Variants in TRIM2 observed in about 807,000 individuals in gnomAD.
TRIM2 encodes the protein tripartite motif containing 2.
Under a neutral mutation model 75.2 loss-of-function variants are expected in TRIM2, and 20 were observed. That is an observed-to-expected ratio of 0.27 (90% CI 0.19 to 0.39). TRIM2 has a LOEUF of 0.39. Among genes scored for constraint, TRIM2 ranks in the 10% least tolerant of loss-of-function variants. The pLI is 1.00. For missense variants in TRIM2, 660 were observed against 990.8 expected (o/e 0.67, Z 4.48); for synonymous variants, 373 against 388.3 (o/e 0.96, Z 0.46).
intron 1 of TRIM2, among the ~76,000 whole-genome samples, chr4:153,234,039 A>G (rs1744357006): frequency 2.0e-5 from 3 of 152,240 alleles, no homozygotes; most frequent in African/African-American, 7.2e-5. Flanking sequence ...AGTTAAGTGC[A>G]TCTGCATCTT....
intron 6 of TRIM2, among the ~76,000 whole-genome samples, chr4:153,299,343 G>T (rs959321820): frequency 6.6e-6 from 1 of 151,818 alleles, no homozygotes; most frequent in South Asian, 2.1e-4. Context: ...GTATTCCATT[G>T]TGTGTGTATG....
At chr4:153,156,906 G>T (rs1462389943) in intron 1 of TRIM2, 1 of 152,304 alleles carries the variant, frequency 6.6e-6, no homozygotes, top group Non-Finnish European at 1.5e-5. Context: ...TTGGATGGTG[G>T]GGCCAGGTGG....
intron 11 of TRIM2, among the ~76,000 whole-genome samples, chr4:153,329,962 G>C (rs1193617729): frequency 6.6e-6 from 1 of 151,936 alleles, no homozygotes; most frequent in Non-Finnish European, 1.5e-5. Flanking sequence ...GACTGACAAA[G>C]GAAATAAGAG....
chr4:153,230,395 TG>T (rs1216261415), intron 1 of TRIM2, among the ~76,000 whole-genome samples: 5 of 152,150 alleles, frequency 3.3e-5, no homozygotes, highest in Non-Finnish European at 7.4e-5. Context: ...CTGTCCAGGC[TG>T]GTCTCCAACT....
At chr4:153,253,976 T>C (rs967608548) in intron 1 of TRIM2, among the ~76,000 whole-genome samples, 2 of 152,180 alleles carry the variant, frequency 1.3e-5, no homozygotes, top group African/African-American at 4.8e-5. Flanking sequence ...TACTTTGCAC[T>C]GTGGACTCGC....
intron 11 of TRIM2, 56 bp from the exon 12 acceptor site, chr4:153,334,758 T>A (rs529863850): frequency 1.4e-6 from 2 of 1,463,754 alleles, no homozygotes; most frequent in South Asian, 2.6e-5. Flanking sequence ...CTAACCCATG[T>A]TCAGCATATT....
intron 1 of TRIM2, among the ~76,000 whole-genome samples, chr4:153,215,878 T>A (rs915494319): frequency 6.6e-6 from 1 of 152,234 alleles, no homozygotes; most frequent in Non-Finnish European, 1.5e-5. Flanking sequence ...ATTTGTTTTT[T>A]CATCTGTAAT....
chr4:153,196,265 C>A (rs1046947263), intron 1 of TRIM2, among the ~76,000 whole-genome samples: 2 of 62,758 alleles, frequency 3.2e-5, no homozygotes, highest in Non-Finnish European at 4.5e-5. Flanking sequence ...TTCCTACCAC[C>A]CCCCCCCACA....
intron 1 of TRIM2, among the ~76,000 whole-genome samples, chr4:153,219,759 T>C (rs529654217): frequency 6.6e-6 from 1 of 152,190 alleles, no homozygotes; most frequent in East Asian, 1.9e-4. Context: ...TCCCAGCTAC[T>C]CGGCAGGCTG....
chr4:153,162,274 A>G (rs930686885), intron 1 of TRIM2, among the ~76,000 whole-genome samples: 7 of 152,224 alleles, frequency 4.6e-5, no homozygotes, highest in South Asian at 2.1e-4. Context: ...GGATATTGAT[A>G]TATACAGAGA....
At chr4:153,282,728 T>A (rs561249534) in intron 3 of TRIM2, among the ~76,000 whole-genome samples, 20 of 152,222 alleles carry the variant, frequency 1.3e-4, no homozygotes, top group Non-Finnish European at 2.8e-4. Context: ...ATTACAGGTG[T>A]TAAGGCACCG....
Position 153,295,301 on chromosome 4 carries a change from GT to G in TRIM2, c.787-8del. On this transcript the variant is annotated splice_polypyrimidine_tract_variant and intron_variant, in intron 5 of 11. Transcript: ENST00000338700. The surrounding 1 kb of genome is among the most constrained non-coding windows in gnomAD (Gnocchi z 7.2). ...GTGGGACGAGCTCACCAGGCCTCCG[GT>G]TTTCCCGCAGGTCCTCCAGTCGCAG... is the stretch of plus-strand genomic sequence containing the variant. 6.4e-7 allele frequency: 1 copy of G among 1,571,992 alleles called. No homozygotes were observed. Among genetic ancestry groups the G allele is most frequent in the Non-Finnish European group, 8.6e-7 (1 of 1,159,338 alleles).
chr4:153,192,827 A>G (rs1225780363), intron 1 of TRIM2, among the ~76,000 whole-genome samples: 1 of 152,108 alleles, frequency 6.6e-6, no homozygotes, highest in African/African-American at 2.4e-5. Context: ...GGGCCCATCC[A>G]GATCTTCTCA....
At position 153,295,620 on chromosome 4, in the gene TRIM2, C is replaced by G. The variant is rs146686472; in HGVS notation, c.1094C>G (p.Thr365Ser). The G allele has an allele frequency of 1.9e-4, 307 of 1,613,892 alleles. No individual in the cohort carries two copies. The highest frequency in any genetic ancestry group is 5.2e-4 in the Admixed American group (31 of 59,992). ...GCCACGGGCGAGGGGCTGCGGCAGA[C>G]CATCATCGGGCAGCCCATGTCCGTC... The part of the protein sequence containing the change: ...TVATGEGLRQ[T>S]IIGQPMSVTI... Residue 365 changes from threonine to serine, a missense_variant, in exon 6 of 12, where the codon ACC (threonine) becomes AGC (serine). Thr to Ser is a moderately conservative substitution (Grantham distance 58). Coordinates refer to ENST00000338700, the MANE Select transcript of TRIM2 (RefSeq NM_015271.5). The surrounding 1 kb of genome is among the most constrained non-coding windows in gnomAD (Gnocchi z 7.2).
At chr4:153,290,627 A>G (rs1181061147) in intron 3 of TRIM2, among the ~76,000 whole-genome samples, 6 of 152,112 alleles carry the variant, frequency 3.9e-5, no homozygotes, top group Admixed American at 3.9e-4. Context: ...GAGAAGTGTG[A>G]ATACTTTTTT....
At chr4:153,190,612 TCAAA>T (rs1733085071) in intron 1 of TRIM2, among the ~76,000 whole-genome samples, 1 of 152,040 alleles carries the variant, frequency 6.6e-6, no homozygotes, top group Non-Finnish European at 1.5e-5. Context: ...GAAACAAAAC[TCAAA>T]CTAACTCAGA....
At chr4:153,230,873 G>A (rs1372733527) in intron 1 of TRIM2, among the ~76,000 whole-genome samples, 1 of 152,214 alleles carries the variant, frequency 6.6e-6, no homozygotes, top group Non-Finnish European at 1.5e-5. Flanking sequence ...TTGGAACTGA[G>A]ATCATAATAA....
chr4:153,264,137 T>C (rs1421158872), intron 1 of TRIM2, among the ~76,000 whole-genome samples: 1 of 152,236 alleles, frequency 6.6e-6, no homozygotes, highest in Non-Finnish European at 1.5e-5. Flanking sequence ...GACACTGAGC[T>C]GGACAAAGGG....
chr4:153,181,867 G>A (rs1021166340), intron 1 of TRIM2, among the ~76,000 whole-genome samples: 7 of 152,108 alleles, frequency 4.6e-5, no homozygotes, highest in Admixed American at 3.3e-4. Context: ...GTGCCAGGGC[G>A]GGTGCCTCAC....
Sources: allele counts gnomAD v4.1 joint callset (sites outside exome capture counted in the v4.1 genomes callset), GRCh38; gene constraint gnomAD v4.1.1; non-coding constraint Gnocchi (gnomAD v3.1); transcripts MANE v1.5; gene names NCBI Gene and HGNC (gene_info 2026-07-23, HGNC 2026-07-21).